Variants in SLC9A6 observed in about 807,000 individuals in gnomAD.
SLC9A6 encodes the protein sodium/hydrogen exchanger 6.
A neutral mutation model predicts 45.3 loss-of-function variants in SLC9A6; 6 were observed. That is an observed-to-expected ratio of 0.13 (90% confidence interval 0.07 to 0.26). The LOEUF is 0.26. Ranked by LOEUF, SLC9A6 falls within the 10% of genes least tolerant of loss-of-function variation. The probability of loss-of-function intolerance (pLI) is 1.00; values close to 1 mark genes in which losing one functional copy is unlikely to be tolerated. For synonymous variants in SLC9A6, 191 were observed against 187.7 expected (o/e 1.02, Z -0.14); for missense variants, 278 against 503.7 (o/e 0.55, Z 4.29).
chrX:135,985,582 C>A lies in SLC9A6; in HGVS notation c.-56-21C>A, dbSNP rs782242879. The A allele has an allele frequency of 2.5e-6, 3 of 1,205,348 alleles. No homozygotes were observed. In the African/African-American group the frequency reaches 5.3e-5, roughly 21 times the overall value. ...CCCCGAGCCCGCAGGCTCATGCGGC[C>A]CCTTTGGTTGCTCCTCGCAGTGGGC... is the stretch of plus-strand genomic sequence containing the variant. On this transcript the variant is annotated intron_variant, in intron 1 of 17. Transcript: ENST00000630721.
In SLC9A6 at chrX:135,998,141, T is replaced by C. The variant is rs375741763; in HGVS notation, c.403T>C (p.Leu135=). ...TGATCCAGAAGTATTTTTCAACATATTACTTCCTCCTATCATATTTTATGC... is the reference window on the plus strand; with the variant it reads ...TGATCCAGAAGTATTTTTCAACATACTACTTCCTCCTATCATATTTTATGC... ...TFDPEVFFNI[L]LPPIIFYAGY... is the part of the protein sequence containing the mutation. The change falls in exon 4 of 18, where the codon TTA becomes CTA. Residue 135 remains leucine (L), a synonymous_variant. Transcript: ENST00000630721. The C allele has an allele frequency of 1.1e-5, 13 of 1,132,196 alleles. No individual in the cohort carries two copies. The highest frequency in any genetic ancestry group is 4.8e-4 in the Middle Eastern group (2 of 4,156). 93.3% of individuals were successfully genotyped at this position (1,132,196 alleles called of 1,213,427 possible).
At position 136,030,279 on chromosome X, in the gene SLC9A6, C is replaced by T. The variant is rs1178576029; in HGVS notation, c.1581+117C>T. The T allele has an allele frequency of 5.3e-6, 4 of 750,185 alleles. No individual in the cohort carries two copies. In the African/African-American group the frequency reaches 8.3e-5, roughly 16 times the overall value. The allele number at this position is 750,185 out of a possible 1,213,427, so 61.8% of individuals were successfully genotyped here. A position where few individuals can be genotyped will look rare whatever the true frequency, so the allele number is the denominator to read the frequency against. ...TTAGATCCTGTCCTCTTTGCCTCAG[C>T]TTTGGAGGAATGATATCATTCCTGG... On this transcript the variant is annotated intron_variant, in intron 15 of 17. Coordinates refer to ENST00000630721, the MANE Select transcript of SLC9A6 (RefSeq NM_001379110.1).
chrX:136,030,151 C>G lies in SLC9A6; in HGVS notation c.1570C>G (p.Gln524Glu). Reference protein sequence around the residue: ...ETDRVGVDSDQEHLGVPENER... With the variant: ...ETDRVGVDSDEEHLGVPENER... ...CTTTAGGGTTGGTGTTGATTCAGACCAAGAACACTTGGTAAATATGCGTTT... is the reference window on the plus strand; with the variant it reads ...CTTTAGGGTTGGTGTTGATTCAGACGAAGAACACTTGGTAAATATGCGTTT... Residue 524 changes from glutamine to glutamate, a missense_variant, in exon 15 of 18, where the codon CAA becomes GAA. This residue lies in a region of SLC9A6 where 91 missense variants were observed against 125.1 expected (regional missense o/e 0.73). Transcript: ENST00000630721. 8.3e-7 allele frequency: 1 copy of G among 1,209,914 alleles called. No individual in the cohort carries two copies. The highest frequency in any genetic ancestry group is 1.1e-6 in the Non-Finnish European group (1 of 893,753).
intron 16 of SLC9A6, among the ~76,000 whole-genome samples, chrX:136,039,546 C>T (rs556629132): frequency 2.7e-5 from 3 of 111,684 alleles, no homozygotes; most frequent in East Asian, 2.8e-4. Context: ...CCTAAGTAAA[C>T]AGTCAGTCTG....
chrX:135,991,736 G>A (rs1180957286), intron 2 of SLC9A6, among the ~76,000 whole-genome samples: 2 of 111,093 alleles, frequency 1.8e-5, no homozygotes, highest in Non-Finnish European at 3.8e-5. Context: ...GCATTTGATA[G>A]TTTTTATCAC....
intron 12 of SLC9A6, among the ~76,000 whole-genome samples, chrX:136,023,475 A>G (rs2071173758): frequency 9.2e-6 from 1 of 108,396 alleles, no homozygotes; most frequent in East Asian, 2.9e-4. Flanking sequence ...ACTAAAAAGA[A>G]CAAACAATTT....
chrX:136,008,335 A>C (rs1173996969), intron 7 of SLC9A6, among the ~76,000 whole-genome samples: 2 of 111,605 alleles, frequency 1.8e-5, no homozygotes, highest in Non-Finnish European at 3.8e-5. Flanking sequence ...TCCCGGGTTC[A>C]TGAGGTTCAC....
At position 136,044,747 on chromosome X, in the gene SLC9A6, A is replaced by G; in HGVS notation, c.*23A>G. 1 of 1,197,226 alleles carries G rather than the reference A, an allele frequency of 8.4e-7. No homozygotes were observed. Among genetic ancestry groups the G allele is most frequent in the Non-Finnish European group, 1.1e-6 (1 of 882,312 alleles). On this transcript the variant is annotated 3_prime_UTR_variant, in exon 18 of 18. Coordinates refer to ENST00000630721, the MANE Select transcript of SLC9A6 (RefSeq NM_001379110.1). ...TAAGCTTACTAATACTCACTTAGTG[A>G]TTTGTAAAATTTGCACATGTGATTG... is the stretch of plus-strand genomic sequence containing the variant.
At chrX:136,034,553 A>G (rs1167111712) in intron 16 of SLC9A6, among the ~76,000 whole-genome samples, 1 of 112,042 alleles carries the variant, frequency 8.9e-6, no homozygotes, top group Non-Finnish European at 1.9e-5. Context: ...TTTATCAGTA[A>G]ATGATTCAAA....
At chrX:135,978,651 CAAA>C (rs201997429) in intron 1 of SLC9A6, among the ~76,000 whole-genome samples, 1 of 81,099 alleles carries the variant, frequency 1.2e-5, no homozygotes. Context: ...GACTCCATCT[CAAA>C]AAAAAAAAAA....
intron 13 of SLC9A6, among the ~76,000 whole-genome samples, chrX:136,028,234 A>G (rs1356572766): frequency 1.8e-5 from 2 of 112,024 alleles, no homozygotes; most frequent in Admixed American, 9.5e-5. Context: ...CCTTGCAGCA[A>G]CTCTGTGTGG....
chrX:135,983,056 C>T (rs1319956013), upstream of SLC9A6, among the ~76,000 whole-genome samples: 1 of 110,839 alleles, frequency 9.0e-6, no homozygotes, highest in African/African-American at 3.3e-5. Context: ...TAGGAGTGAC[C>T]AGGAAGTCAA....
chrX:135,982,405 G>A (rs967527235), upstream of SLC9A6, among the ~76,000 whole-genome samples: 1 of 108,374 alleles, frequency 9.2e-6, no homozygotes. Context: ...CGGGGGTTGG[G>A]GGGGGCGGTG....
chrX:136,033,036 G>T (rs1410722502), intron 15 of SLC9A6: 2 of 143,962 alleles, frequency 1.4e-5, no homozygotes, highest in African/African-American at 3.2e-5. Context: ...GCTAATTTTT[G>T]TATTTTTAGT....
intron 2 of SLC9A6, among the ~76,000 whole-genome samples, chrX:135,987,786 C>T (rs1556615141): frequency 8.1e-5 from 9 of 111,079 alleles, no homozygotes; most frequent in Non-Finnish European, 5.7e-5. Context: ...ACACTCTGCC[C>T]ATAGGTATGT....
intron 7 of SLC9A6, 22 bp from the exon 8 acceptor site, chrX:136,010,420 A>T: frequency 8.3e-7 from 1 of 1,208,117 alleles, no homozygotes; most frequent in Non-Finnish European, 1.1e-6. Context: ...TTTCAGAAGT[A>T]AAAGCAGTCT....
intron 15 of SLC9A6, 178 bp downstream of exon 15, chrX:136,030,340 T>C (rs1461434438): frequency 1.0e-5 from 5 of 485,856 alleles, no homozygotes; most frequent in Non-Finnish European, 1.8e-5. Flanking sequence ...AAACCAAGTT[T>C]GCCACAGTGC....
Position 135,985,640 on chromosome X carries a change from C to A in SLC9A6, c.-19C>A, listed in dbSNP as rs1030979223. 8.3e-7 allele frequency: 1 copy of A among 1,211,490 alleles called. No homozygotes were observed. ...ACTGGGCAGGGGCTTCGGACGGCGGCGGCGGAGAGGCTAGAGCCATGGACG... is the reference window on the plus strand; with the variant it reads ...ACTGGGCAGGGGCTTCGGACGGCGGAGGCGGAGAGGCTAGAGCCATGGACG... On this transcript the variant is annotated 5_prime_UTR_variant, in exon 2 of 18. Coordinates refer to ENST00000630721, the MANE Select transcript of SLC9A6 (RefSeq NM_001379110.1).
chrX:136,002,773 C>G (rs1463276202), intron 7 of SLC9A6, among the ~76,000 whole-genome samples: 1 of 110,071 alleles, frequency 9.1e-6, no homozygotes, highest in African/African-American at 3.3e-5. Flanking sequence ...GTTGCCCAGG[C>G]TGGTCTTCTC....
Sources: gnomAD v4.1 joint callset for allele counts (sites outside exome capture counted in the v4.1 genomes callset) on GRCh38, gnomAD v4.1.1 for gene constraint, gnomAD v4.1.1 regional missense constraint, MANE v1.5 for transcripts, NCBI Gene and HGNC (gene_info 2026-07-23, HGNC 2026-07-21) for gene names.